MYZAP: variants seen among roughly 807,000 people sequenced by gnomAD.
MYZAP encodes the protein myocardial zonula adherens protein.
Under a neutral mutation model 69.4 loss-of-function variants are expected in MYZAP, and 66 were observed. The observed-to-expected ratio is 0.95, with a 90% CI of 0.78 to 1.17. The LOEUF (loss-of-function observed/expected upper bound fraction) is 1.17. MYZAP is among the 50% of genes most tolerant of loss of function. The pLI, the probability that MYZAP is intolerant of heterozygous loss-of-function variation, is 0.00. For synonymous variants in MYZAP, 256 were observed against 205.9 expected, an observed-to-expected ratio of 1.24 and a Z score of -2.09; for missense variants, 611 against 556.2, an observed-to-expected ratio of 1.10 and a Z score of -0.99.
chr15:57,669,950 A>G (rs2038789440), intron 11 of MYZAP, among the ~76,000 whole-genome samples: 1 of 151,966 alleles, frequency 6.6e-6, no homozygotes, highest in African/African-American at 2.4e-5. Context: ...ATTTTTGTTG[A>G]TATTTTTATT....
intron 5 of MYZAP, among the ~76,000 whole-genome samples, chr15:57,628,222 C>G (rs941320214): frequency 6.6e-6 from 1 of 152,148 alleles, no homozygotes; most frequent in African/African-American, 2.4e-5. Flanking sequence ...GGAGAGTTAA[C>G]CAAGTAGAAA....
intron 1 of MYZAP, among the ~76,000 whole-genome samples, chr15:57,593,211 CACA>C (rs2033828314): frequency 2.6e-5 from 4 of 151,142 alleles, no homozygotes; most frequent in African/African-American, 9.8e-5. Flanking sequence ...CACACACACA[CACA>C]CCCCAGAATC....
chr15:57,593,059 G>T (rs1306165259), intron 1 of MYZAP, among the ~76,000 whole-genome samples: 1 of 152,080 alleles, frequency 6.6e-6, no homozygotes, highest in Non-Finnish European at 1.5e-5. Flanking sequence ...GAGTGATGGT[G>T]GTCACCTTAT....
In MYZAP at chr15:57,639,557, CA is replaced by C. The variant is rs759461822; in HGVS notation, c.1119+16del. 2 of 1,611,490 alleles carry C rather than the reference CA, an allele frequency of 1.2e-6. No individual in the cohort carries two copies. The highest frequency in any genetic ancestry group is 3.3e-5 in the Admixed American group (2 of 59,818). Reference sequence around the variant, plus strand: ...AGATGGTCGAGGAGGTAAGCATCTGCAAAAGGTCACAGGCCTGGGATTGCTT... The same window carrying C: ...AGATGGTCGAGGAGGTAAGCATCTGCAAAGGTCACAGGCCTGGGATTGCTT... On this transcript the variant is annotated intron_variant, in intron 10 of 12. Transcript: ENST00000267853.
intron 11 of MYZAP, among the ~76,000 whole-genome samples, chr15:57,664,058 G>A (rs1268953696): frequency 1.4e-5 from 2 of 141,326 alleles, no homozygotes; most frequent in Non-Finnish European, 3.1e-5. Flanking sequence ...TTTTGTCATT[G>A]TTTCTGTTCT....
At chr15:57,670,802 G>T (rs1331862494) in intron 11 of MYZAP, among the ~76,000 whole-genome samples, 1 of 151,878 alleles carries the variant, frequency 6.6e-6, no homozygotes, top group Non-Finnish European at 1.5e-5. Context: ...AGGTATTGTA[G>T]TATACATCAT....
At chr15:57,640,673 A>G (rs1000195069) in intron 10 of MYZAP, among the ~76,000 whole-genome samples, 3 of 152,342 alleles carry the variant, frequency 2.0e-5, no homozygotes, top group Admixed American at 2.0e-4. Flanking sequence ...AATTGTGAGT[A>G]TGGGAAGGGA....
Position 57,684,494 on chromosome 15 carries a change from C to A in MYZAP, c.1397C>A (p.Thr466Asn). Residue 466 changes from threonine to asparagine, a missense_variant, in exon 13 of 13, where the codon ACT (threonine) becomes AAT (asparagine). Physicochemically the swap from Thr to Asn is moderately conservative, Grantham distance 65 (BLOSUM62 0). Coordinates refer to ENST00000267853, the MANE Select transcript of MYZAP (RefSeq NM_001018100.5). ...VLELTMKKTL[T>N] The stretch of plus-strand genomic sequence containing the variant: ...GAGTTAACCATGAAGAAAACTCTGA[C>A]TTAGGCACTCAGAGGCATACACTTT... 1 of 1,600,654 alleles carries A rather than the reference C, an allele frequency of 6.2e-7. No individual in the cohort carries two copies. Among genetic ancestry groups the A allele is most frequent in the Admixed American group, 1.7e-5 (1 of 59,572 alleles).
At chr15:57,600,461 T>C (rs1332517690) in intron 1 of MYZAP, among the ~76,000 whole-genome samples, 1 of 152,234 alleles carries the variant, frequency 6.6e-6, no homozygotes, top group African/African-American at 2.4e-5. Context: ...AGGGTATTGC[T>C]CAGTGTGAGA....
At chr15:57,670,924 TG>T (rs1567238691) in intron 11 of MYZAP, among the ~76,000 whole-genome samples, 1 of 152,082 alleles carries the variant, frequency 6.6e-6, no homozygotes, top group African/African-American at 2.4e-5. Flanking sequence ...TAATTTTATA[TG>T]TATTGTATCT....
At chr15:57,663,196 A>G (rs1416031103) in intron 11 of MYZAP, among the ~76,000 whole-genome samples, 2 of 150,896 alleles carry the variant, frequency 1.3e-5, no homozygotes, top group African/African-American at 4.9e-5. Flanking sequence ...AAGGTCCCCC[A>G]AGACAGTGCC....
chr15:57,662,156 C>T (rs2038343170), intron 11 of MYZAP, among the ~76,000 whole-genome samples: 1 of 152,070 alleles, frequency 6.6e-6, no homozygotes, highest in Non-Finnish European at 1.5e-5. Context: ...TGTATATGTT[C>T]CAGAGAAGAA....
chr15:57,624,407 TA>T (rs1360689526), intron 4 of MYZAP, among the ~76,000 whole-genome samples: 1 of 152,184 alleles, frequency 6.6e-6, no homozygotes, highest in Non-Finnish European at 1.5e-5. Flanking sequence ...TTCTTGATTA[TA>T]GGAGTGGGGC....
At chr15:57,631,826 G>A (rs1316026859) in intron 6 of MYZAP, among the ~76,000 whole-genome samples, 1 of 152,196 alleles carries the variant, frequency 6.6e-6, no homozygotes, top group Non-Finnish European at 1.5e-5. Context: ...TGGAAGGAGG[G>A]GATGAGAGCA....
At chr15:57,618,518 G>A (rs2035615770) in intron 3 of MYZAP, among the ~76,000 whole-genome samples, 1 of 152,138 alleles carries the variant, frequency 6.6e-6, no homozygotes, top group South Asian at 2.1e-4. Flanking sequence ...ATTCATCCCT[G>A]GCAAGAGGAA....
chr15:57,674,124 A>G (rs1361288101), intron 11 of MYZAP, among the ~76,000 whole-genome samples: 1 of 151,958 alleles, frequency 6.6e-6, no homozygotes, highest in Non-Finnish European at 1.5e-5. Flanking sequence ...ACCACTGTTC[A>G]CTTCTTTCTG....
chr15:57,642,467 G>A (rs1053349551), intron 10 of MYZAP, among the ~76,000 whole-genome samples: 1 of 152,082 alleles, frequency 6.6e-6, no homozygotes, highest in South Asian at 2.1e-4. Flanking sequence ...TGTGAACTCC[G>A]GCTCCCCAGG....
intron 10 of MYZAP, chr15:57,647,385 G>T: frequency 3.0e-6 from 3 of 985,418 alleles, no homozygotes; most frequent in Non-Finnish European, 3.6e-6. Context: ...GCTTAGTGTT[G>T]TTACCTACAC....
intron 3 of MYZAP, among the ~76,000 whole-genome samples, chr15:57,621,073 T>G (rs1759516895): frequency 6.8e-6 from 1 of 148,066 alleles, no homozygotes. Context: ...ATATACATAA[T>G]AAAATTATAT....
Sources: allele counts gnomAD v4.1 joint callset (sites outside exome capture counted in the v4.1 genomes callset), GRCh38; gene constraint gnomAD v4.1.1; transcripts MANE v1.5; gene names NCBI Gene and HGNC (gene_info 2026-07-23, HGNC 2026-07-21).